The following PRUNE2 variants were observed in gnomAD, a reference collection of about 807,000 sequenced individuals.
The protein encoded by PRUNE2 is protein prune homolog 2.
In PRUNE2, 164 loss-of-function variants were observed where a neutral mutation model predicts 252.0. That is an observed-to-expected ratio of 0.65 (90% CI 0.57 to 0.74). The LOEUF (loss-of-function observed/expected upper bound fraction) is 0.74. Ranked by LOEUF, PRUNE2 falls within the 30% of genes least tolerant of loss-of-function variation. The pLI is 0.00. For synonymous variants in PRUNE2, 1,292 were observed against 1,350.2 expected (o/e 0.96, Z 0.94); for missense variants, 3,495 against 3,711.0 (o/e 0.94, Z 1.51).
At chr9:76,874,805 GCAGA>G (rs1188587929) in intron 1 of PRUNE2, among the ~76,000 whole-genome samples, 4 of 152,168 alleles carry the variant, frequency 2.6e-5, no homozygotes, top group Non-Finnish European at 5.9e-5. Flanking sequence ...TGAGTTTGCA[GCAGA>G]CAAAGTATAT....
At chr9:76,677,270 T>A (rs2042758990) in intron 9 of PRUNE2, among the ~76,000 whole-genome samples, 3 of 152,228 alleles carry the variant, frequency 2.0e-5, no homozygotes, top group Admixed American at 1.3e-4. Flanking sequence ...TTGGATTTTT[T>A]AAATTATTTG....
At chr9:76,744,100 A>G (rs1037065599) in intron 6 of PRUNE2, among the ~76,000 whole-genome samples, 1 of 152,234 alleles carries the variant, frequency 6.6e-6, no homozygotes, top group South Asian at 2.1e-4. Flanking sequence ...CTCATTTGTT[A>G]AACAGTCAGT....
chr9:76,897,205 C>T (rs2133636315), intron 1 of PRUNE2, among the ~76,000 whole-genome samples: 2 of 152,172 alleles, frequency 1.3e-5, no homozygotes, highest in Admixed American at 1.3e-4. Context: ...ACTAACTTAC[C>T]ACTCAGCCCT....
Position 76,614,539 on chromosome 9 carries a change from GA to G in PRUNE2, c.*30del. On this transcript the variant is annotated 3_prime_UTR_variant, in exon 19 of 19. Transcript: ENST00000376718. ...TATGTTTCAACAGAACCATGAACCAGAAAAGCATCCTCTTCTTCCAGCATGG... is the reference window on the plus strand; with the variant it reads ...TATGTTTCAACAGAACCATGAACCAGAAAGCATCCTCTTCTTCCAGCATGG... The G allele has an allele frequency of 6.3e-7, 1 of 1,597,460 alleles. No individual in the cohort carries two copies. Among genetic ancestry groups the G allele is most frequent in the Non-Finnish European group, 8.6e-7 (1 of 1,165,148 alleles).
intron 6 of PRUNE2, among the ~76,000 whole-genome samples, chr9:76,773,290 T>C (rs952969085): frequency 2.9e-4 from 44 of 152,228 alleles, no homozygotes; most frequent in South Asian, 6.2e-4. Flanking sequence ...ATTGAAGAAA[T>C]AGAAATTTCT....
chr9:76,831,144 T>C (rs1347672475), intron 4 of PRUNE2, among the ~76,000 whole-genome samples: 2 of 152,230 alleles, frequency 1.3e-5, no homozygotes, highest in East Asian at 3.9e-4. Context: ...TTAGCCAGCA[T>C]GGTCTCGATC....
intron 4 of PRUNE2, among the ~76,000 whole-genome samples, chr9:76,838,364 G>A (rs2059181885): frequency 6.6e-6 from 1 of 152,016 alleles, no homozygotes; most frequent in Admixed American, 6.6e-5. Context: ...GCAGGCAGAG[G>A]CTGGGCATGG....
At chr9:76,625,034 C>T in intron 16 of PRUNE2, 1 of 1,303,464 alleles carries the variant, frequency 7.7e-7, no homozygotes. Flanking sequence ...TCACACTTCT[C>T]TTATAAGATC....
chr9:76,723,035 G>A (rs577121858), intron 6 of PRUNE2, among the ~76,000 whole-genome samples: 19 of 152,250 alleles, frequency 1.2e-4, no homozygotes, highest in African/African-American at 3.6e-4. Flanking sequence ...ACAATAATGC[G>A]CTGCTTACGT....
intron 6 of PRUNE2, among the ~76,000 whole-genome samples, chr9:76,774,206 G>C: frequency 6.6e-6 from 1 of 151,996 alleles, no homozygotes. Context: ...CACAATCATA[G>C]CTCACTGCAG....
At chr9:76,897,482 C>T (rs553304008) in intron 1 of PRUNE2, among the ~76,000 whole-genome samples, 4 of 131,454 alleles carry the variant, frequency 3.0e-5, no homozygotes, top group South Asian at 2.7e-4. Context: ...GGCATGATCT[C>T]GGCTCACTGC....
At chr9:76,786,045 G>A (rs1167204830) in intron 6 of PRUNE2, 1 of 152,174 alleles carries the variant, frequency 6.6e-6, no homozygotes, top group Non-Finnish European at 1.5e-5. Context: ...GTTCTCTTAA[G>A]CAAAATACTT....
intron 1 of PRUNE2, among the ~76,000 whole-genome samples, chr9:76,855,082 A>AAAAAAAAAAAATATATATATATATATAT (rs1490285240): frequency 9.1e-6 from 1 of 109,438 alleles, no homozygotes; most frequent in African/African-American, 3.9e-5. Context: ...AAAAAAAAAA[A>AAAAAAAAAAAATATATATATATATATAT]ATATATATAT....
chr9:76,713,487 C>G (rs2046897403), intron 7 of PRUNE2, 76 bp downstream of exon 7: 10 of 1,224,494 alleles, frequency 8.2e-6, no homozygotes, highest in African/African-American at 1.5e-5. Context: ...CCAATCTGTT[C>G]TGTCTTGCAC....
intron 6 of PRUNE2, among the ~76,000 whole-genome samples, chr9:76,807,087 A>G (rs1318487594): frequency 6.6e-6 from 1 of 151,426 alleles, no homozygotes; most frequent in Non-Finnish European, 1.5e-5. Context: ...TCTCTTAGAC[A>G]GGGTCTTGCT....
At chr9:76,815,994 C>G (rs1350870405) in intron 6 of PRUNE2, among the ~76,000 whole-genome samples, 1 of 151,944 alleles carries the variant, frequency 6.6e-6, no homozygotes, top group South Asian at 2.1e-4. Context: ...AACCCCATCT[C>G]TACTAAAAAT....
intron 6 of PRUNE2, chr9:76,785,904 T>C (rs1186967806): frequency 6.6e-6 from 1 of 152,182 alleles, no homozygotes; most frequent in Non-Finnish European, 1.5e-5. Flanking sequence ...TAATGTCATC[T>C]GTTAACATAA....
Position 76,803,409 on chromosome 9 carries a change from G to C in PRUNE2, c.756+20223C>G, listed in dbSNP as rs903007906. 2.6e-5 allele frequency among the ~76,000 whole-genome samples: 4 copies of C among 152,200 alleles called. 1 individual carries two copies. Among genetic ancestry groups the C allele is most frequent in the Admixed American group, 2.0e-4 (3 of 15,276 alleles). ...CAGATAAGCAGAACAAGCAGTACTT[G>C]TAAGTTGCATTTGCAGGGTCCTGCT... On this transcript the variant is annotated intron_variant, in intron 6 of 18. Transcript: ENST00000376718.
intron 3 of PRUNE2, among the ~76,000 whole-genome samples, chr9:76,848,452 C>A (rs1362640582): frequency 6.6e-6 from 1 of 152,104 alleles, no homozygotes; most frequent in Non-Finnish European, 1.5e-5. Flanking sequence ...CACACATGGG[C>A]AGGTTATTTT....
Sources: allele counts gnomAD v4.1 joint callset (sites outside exome capture counted in the v4.1 genomes callset), GRCh38; gene constraint gnomAD v4.1.1; transcripts MANE v1.5; gene names NCBI Gene and HGNC (gene_info 2026-07-23, HGNC 2026-07-21).